Variants in DHX36 observed in about 807,000 individuals in gnomAD.
DHX36 encodes the protein ATP-dependent DNA/RNA helicase DHX36.
A neutral mutation model predicts 139.0 loss-of-function variants in DHX36; 50 were observed. The ratio of observed to expected loss-of-function variants is 0.36; its 90% confidence interval spans 0.29 to 0.46. DHX36 has a LOEUF of 0.46. Ranked by LOEUF, DHX36 falls within the 20% of genes least tolerant of loss-of-function variation. The pLI is 1.00. For synonymous variants in DHX36, 425 were observed against 401.9 expected (o/e 1.06, Z -0.69); for missense variants, 1,024 against 1,211.3 (o/e 0.85, Z 2.29).
At chr3:154,308,457 T>C (rs1471270705) in intron 5 of DHX36, among the ~76,000 whole-genome samples, 1 of 152,170 alleles carries the variant, frequency 6.6e-6, no homozygotes, top group Non-Finnish European at 1.5e-5. Flanking sequence ...ATAAATTCAC[T>C]ATGCACACTG....
At chr3:154,317,737 G>A (rs1201580869) in intron 1 of DHX36, among the ~76,000 whole-genome samples, 1 of 151,844 alleles carries the variant, frequency 6.6e-6, no homozygotes, top group African/African-American at 2.4e-5. Context: ...GATTTTTGGG[G>A]AAAAAAGAGG....
chr3:154,298,569 A>AT (rs2108349789), intron 12 of DHX36, among the ~76,000 whole-genome samples: 1 of 152,358 alleles, frequency 6.6e-6, no homozygotes, highest in Non-Finnish European at 1.5e-5. Context: ...TAATAAATAT[A>AT]TACATTTATT....
chr3:154,300,901 G>A (rs3732652), intron 10 of DHX36, 86 bp downstream of exon 10: 515,209 of 1,543,410 alleles, frequency 0.33, 89,723 homozygotes, highest in South Asian at 0.41. Flanking sequence ...CTTTAAGTAC[G>A]TACAGATTCA....
intron 5 of DHX36, among the ~76,000 whole-genome samples, chr3:154,307,665 T>C (rs971981983): frequency 6.6e-6 from 1 of 152,078 alleles, no homozygotes; most frequent in Non-Finnish European, 1.5e-5. Context: ...ATACTGTTGG[T>C]AGGAATGCAA....
At chr3:154,318,787 A>G (rs1032068183) in intron 1 of DHX36, among the ~76,000 whole-genome samples, 2 of 152,218 alleles carry the variant, frequency 1.3e-5, no homozygotes, top group Non-Finnish European at 1.5e-5. Context: ...AAAGTATTAA[A>G]TAAGTCAGTT....
chr3:154,308,850 T>C (rs374984843), intron 5 of DHX36, among the ~76,000 whole-genome samples: 2 of 152,250 alleles, frequency 1.3e-5, no homozygotes, highest in African/African-American at 4.8e-5. Flanking sequence ...CAATACCTTA[T>C]TTTTCCTCAT....
intron 19 of DHX36, 71 bp from the exon 20 acceptor site, chr3:154,283,342 A>G (rs1268924095): frequency 9.5e-7 from 1 of 1,053,704 alleles, no homozygotes; most frequent in Non-Finnish European, 1.5e-6. Context: ...TTCCCTCTTT[A>G]CTTTAGTAAA....
chr3:154,299,920 A>G lies in DHX36; in HGVS notation c.1467T>C (p.Gly489=). 6.2e-7 allele frequency: 1 copy of G among 1,610,344 alleles called. No individual in the cohort carries two copies. The highest frequency in any genetic ancestry group is 1.3e-5 in the African/African-American group (1 of 74,984). ...AGCCTGGCAGAAAGACCAGTATCGC[A>G]CCATCCTATATGAAGGGGAAATAAC... ...IRYIVLEEED[G]AILVFLPGWD... The change falls in exon 12 of 25, where the codon GGT becomes GGC. Residue 489 remains glycine (G), a synonymous_variant. Transcript: ENST00000496811.
chr3:154,314,795 T>C (rs908511058), intron 3 of DHX36: 2 of 317,372 alleles, frequency 6.3e-6, no homozygotes, highest in Admixed American at 4.7e-5. Flanking sequence ...TTTTTTTTCA[T>C]TGGCACTAGC....
At chr3:154,298,776 G>A (rs1026233882) in intron 12 of DHX36, among the ~76,000 whole-genome samples, 13 of 152,186 alleles carry the variant, frequency 8.5e-5, no homozygotes, top group Admixed American at 2.6e-4. Flanking sequence ...TTAGGCGGGC[G>A]TGGTGGCAGG....
At chr3:154,309,854 CAT>C (rs751066183) in intron 4 of DHX36, 31 bp from the exon 5 acceptor site, 27 of 1,475,850 alleles carry the variant, frequency 1.8e-5, no homozygotes, top group Non-Finnish European at 2.4e-5. Context: ...AAGAATATCA[CAT>C]GTTGACTAAG....
intron 9 of DHX36, among the ~76,000 whole-genome samples, chr3:154,302,298 T>C (rs1712329186): frequency 6.6e-6 from 1 of 152,222 alleles, no homozygotes; most frequent in Admixed American, 6.5e-5. Context: ...GGTTACTCAC[T>C]GTGTAAAACA....
At chr3:154,302,632 T>C (rs981401061) in intron 9 of DHX36, among the ~76,000 whole-genome samples, 2 of 151,986 alleles carry the variant, frequency 1.3e-5, no homozygotes, top group African/African-American at 2.4e-5. Flanking sequence ...AGTGAAAACA[T>C]AAATGATTGA....
At chr3:154,287,560 G>A (rs1483669238) in intron 17 of DHX36, among the ~76,000 whole-genome samples, 1 of 152,074 alleles carries the variant, frequency 6.6e-6, no homozygotes, top group East Asian at 1.9e-4. Flanking sequence ...TGAGGCAGGA[G>A]AATCGCTTGA....
chr3:154,307,342 C>T (rs1174805579), intron 5 of DHX36, among the ~76,000 whole-genome samples: 5 of 151,972 alleles, frequency 3.3e-5, no homozygotes, highest in South Asian at 2.1e-4. Context: ...ATTTCCAGAA[C>T]GGAAGAAAAT....
intron 17 of DHX36, among the ~76,000 whole-genome samples, chr3:154,285,267 A>C (rs567697659): frequency 6.6e-6 from 1 of 152,366 alleles, no homozygotes; most frequent in African/African-American, 2.4e-5. Flanking sequence ...AAAGTCACCT[A>C]ATAAAGTATA....
rs1711876997 is a variant in DHX36 at position 154,292,761 on chromosome 3, A to C, written c.1671-67T>G. 4.6e-6 allele frequency: 7 copies of C among 1,534,706 alleles called. No homozygotes were observed. In the South Asian group the frequency reaches 8.5e-5, roughly 19 times the overall value. On this transcript the variant is annotated intron_variant, in intron 14 of 24. Transcript: ENST00000496811. ...CACACACACACACACACACACACACATCGAAAGCACTATTAACCTATAAAA... is the reference window on the plus strand; with the variant it reads ...CACACACACACACACACACACACACCTCGAAAGCACTATTAACCTATAAAA...
intron 12 of DHX36, among the ~76,000 whole-genome samples, chr3:154,296,431 G>A (rs1001565198): frequency 3.3e-5 from 5 of 152,064 alleles, no homozygotes; most frequent in African/African-American, 4.8e-5. Context: ...CCGAGATCGC[G>A]CCACTGCACT....
intron 1 of DHX36, chr3:154,319,187 G>C (rs1713099709): frequency 6.6e-6 from 1 of 152,076 alleles, no homozygotes; most frequent in South Asian, 2.1e-4. Context: ...CTTGCCTGGA[G>C]AATCTCAAAA....
Sources: gnomAD v4.1 joint callset for allele counts (sites outside exome capture counted in the v4.1 genomes callset) on GRCh38, gnomAD v4.1.1 for gene constraint, MANE v1.5 for transcripts, NCBI Gene and HGNC (gene_info 2026-07-23, HGNC 2026-07-21) for gene names.